Variants in ADGRL3 observed in about 807,000 individuals in gnomAD.
The protein encoded by ADGRL3 is adhesion G protein-coupled receptor L3.
Under a neutral mutation model 153.5 loss-of-function variants are expected in ADGRL3, and 62 were observed. That is an observed-to-expected ratio of 0.40 (90% CI 0.33 to 0.50). The LOEUF (loss-of-function observed/expected upper bound fraction) is 0.50, where lower values mean the gene tolerates loss of function less well. ADGRL3 is among the 20% of genes least tolerant of loss of function. The pLI, the probability that ADGRL3 is intolerant of heterozygous loss-of-function variation, is 0.47. For synonymous variants in ADGRL3, 710 were observed against 672.5 expected, an observed-to-expected ratio of 1.06 and a Z score of -0.86; for missense variants, 1,641 against 1,859.4, an observed-to-expected ratio of 0.88 and a Z score of 2.16.
At chr4:61,801,866 C>G (rs185992995) in intron 8 of ADGRL3, among the ~76,000 whole-genome samples, 256 of 152,166 alleles carry the variant, frequency 1.7e-3, no homozygotes, top group African/African-American at 5.9e-3. Flanking sequence ...CTCCTTAATG[C>G]TTTAGTAATT....
At chr4:61,694,179 ATTTTTTTTTTTTTTTTTTTTTT>A (rs554084495) in intron 6 of ADGRL3, among the ~76,000 whole-genome samples, 3 of 26,710 alleles carry the variant, frequency 1.1e-4, no homozygotes, top group African/African-American at 3.0e-4. Context: ...TTTTGTCATT[ATTTTTTTTTTTTTTTTTTTTTT>A]TTTTTTTTTT....
At chr4:61,670,071 G>A (rs1157616859) in intron 5 of ADGRL3, among the ~76,000 whole-genome samples, 1 of 152,114 alleles carries the variant, frequency 6.6e-6, no homozygotes, top group African/African-American at 2.4e-5. Flanking sequence ...CGAGGCAGGT[G>A]GATCATGAGG....
chr4:61,755,188 C>T (rs954036383), intron 8 of ADGRL3, among the ~76,000 whole-genome samples: 54 of 152,110 alleles, frequency 3.6e-4, no homozygotes, highest in Non-Finnish European at 6.0e-4. Context: ...CCTGAGGAAT[C>T]GCCACACTGA....
intron 13 of ADGRL3, among the ~76,000 whole-genome samples, chr4:61,923,365 C>G (rs2098779181): frequency 6.8e-6 from 1 of 148,040 alleles, no homozygotes; most frequent in Non-Finnish European, 1.5e-5. Flanking sequence ...CACCTACTGT[C>G]TGAGTAATGT....
At chr4:61,437,776 C>G (rs566583415) in intron 2 of ADGRL3, among the ~76,000 whole-genome samples, 1 of 152,252 alleles carries the variant, frequency 6.6e-6, no homozygotes, top group African/African-American at 2.4e-5. Flanking sequence ...ATCAGCTCCA[C>G]CTCAGACAAG....
chr4:62,012,396 A>T (rs1017950672), intron 21 of ADGRL3, among the ~76,000 whole-genome samples: 5 of 152,176 alleles, frequency 3.3e-5, no homozygotes, highest in African/African-American at 1.2e-4. Flanking sequence ...ACGTTTTACT[A>T]TGTGCTAGGC....
chr4:61,591,255 T>C (rs1400629196), intron 5 of ADGRL3, among the ~76,000 whole-genome samples: 45 of 152,198 alleles, frequency 3.0e-4, no homozygotes. Flanking sequence ...GAAGCATTTG[T>C]ATATACTATA....
chr4:61,418,046 T>TCAGTAGA (rs772463952), intron 2 of ADGRL3, among the ~76,000 whole-genome samples: 33 of 152,292 alleles, frequency 2.2e-4, no homozygotes, highest in Non-Finnish European at 2.9e-4. Context: ...CTACTGTCCT[T>TCAGTAGA]ACATGTGACC....
chr4:61,362,799 T>G (rs1410809090), intron 1 of ADGRL3, among the ~76,000 whole-genome samples: 1 of 152,142 alleles, frequency 6.6e-6, no homozygotes, highest in African/African-American at 2.4e-5. Flanking sequence ...CCATGTTGTT[T>G]AAGAGTCAAA....
At chr4:61,916,124 A>T (rs2098744065) in intron 13 of ADGRL3, among the ~76,000 whole-genome samples, 1 of 152,152 alleles carries the variant, frequency 6.6e-6, no homozygotes, top group Admixed American at 6.6e-5. Flanking sequence ...ATCAGTTGTC[A>T]ACTATGATAA....
intron 2 of ADGRL3, among the ~76,000 whole-genome samples, chr4:61,469,305 C>G (rs1370870264): frequency 2.6e-5 from 4 of 152,044 alleles, no homozygotes; most frequent in Non-Finnish European, 1.5e-5. Context: ...CTGATAATAA[C>G]AGTGTGTTCC....
intron 1 of ADGRL3, among the ~76,000 whole-genome samples, chr4:61,295,757 G>C (rs529973729): frequency 6.6e-6 from 1 of 151,110 alleles, no homozygotes; most frequent in Admixed American, 6.6e-5. Flanking sequence ...CTAGGAGTTT[G>C]AGACCAGCCT....
chr4:62,008,386 A>G (rs753141470), intron 21 of ADGRL3, among the ~76,000 whole-genome samples: 2 of 152,166 alleles, frequency 1.3e-5, no homozygotes, highest in Non-Finnish European at 2.9e-5. Context: ...AGTATGGGGT[A>G]TAGTGTACAA....
intron 1 of ADGRL3, among the ~76,000 whole-genome samples, chr4:61,371,818 C>A (rs1374091983): frequency 6.6e-6 from 1 of 152,138 alleles, no homozygotes; most frequent in Non-Finnish European, 1.5e-5. Context: ...TAATATCCTG[C>A]AGAGTGTTTT....
chr4:61,247,389 A>T (rs1317694463), intron 1 of ADGRL3, among the ~76,000 whole-genome samples: 1 of 152,118 alleles, frequency 6.6e-6, no homozygotes, highest in East Asian at 1.9e-4. Context: ...TTCTATAAAC[A>T]TACTTAGCTC....
intron 17 of ADGRL3, among the ~76,000 whole-genome samples, chr4:61,977,408 C>T (rs931313627): frequency 1.3e-5 from 2 of 152,084 alleles, no homozygotes; most frequent in Non-Finnish European, 2.9e-5. Context: ...GCACTAACCA[C>T]CCTCCACTCT....
chr4:62,000,845 C>A (rs987654203), intron 21 of ADGRL3, among the ~76,000 whole-genome samples: 1 of 151,832 alleles, frequency 6.6e-6, no homozygotes, highest in Admixed American at 6.6e-5. Flanking sequence ...GCAGTAGTGC[C>A]ATCAAAGCCC....
chr4:61,624,947 A>G (rs1296464256), intron 5 of ADGRL3, among the ~76,000 whole-genome samples: 1 of 152,128 alleles, frequency 6.6e-6, no homozygotes, highest in African/African-American at 2.4e-5. Flanking sequence ...GATATGCCTC[A>G]TTAATGTCCT....
chr4:61,580,054 G>A (rs2098917268), intron 4 of ADGRL3, among the ~76,000 whole-genome samples: 1 of 151,972 alleles, frequency 6.6e-6, no homozygotes, highest in African/African-American at 2.4e-5. Context: ...TATGTCAAAA[G>A]CTCTGCTGAA....
Sources: gnomAD v4.1 joint callset for allele counts (sites outside exome capture counted in the v4.1 genomes callset) on GRCh38, gnomAD v4.1.1 for gene constraint, MANE v1.5 for transcripts, NCBI Gene and HGNC (gene_info 2026-07-23, HGNC 2026-07-21) for gene names.